Variants in WWC1 observed in about 807,000 individuals in gnomAD.
WWC1 encodes the protein WW and C2 domain containing 1.
A neutral mutation model predicts 138.4 loss-of-function variants in WWC1; 55 were observed. The ratio of observed to expected loss-of-function variants is 0.40; its 90% CI spans 0.32 to 0.50. The LOEUF (loss-of-function observed/expected upper bound fraction) is 0.50, where lower values mean the gene tolerates loss of function less well. WWC1 is among the 20% of genes least tolerant of loss of function. WWC1 has a pLI of 0.72. For missense variants in WWC1, 1,226 were observed against 1,420.4 expected (o/e 0.86, Z 2.20); for synonymous variants, 524 against 564.9 (o/e 0.93, Z 1.03).
rs1392931833 is a variant in WWC1, at chr5:168,356,959, T to C, written c.120-14465T>C. Among the ~76,000 whole-genome samples the C allele has an allele frequency of 2.0e-5, 3 of 152,168 alleles. No individual in the cohort carries two copies. The East Asian group carries it at 5.8e-4, about 29-fold the overall frequency. On this transcript the variant is annotated intron_variant, in intron 1 of 22. Transcript: ENST00000265293. ...AGCCCTGTCAGTTGTGGGAAGTCTCTGAGTGTCATCTGTAAAACAGGGAAA... is the reference window on the plus strand; with the variant it reads ...AGCCCTGTCAGTTGTGGGAAGTCTCCGAGTGTCATCTGTAAAACAGGGAAA...
At chr5:168,458,030 C>T (rs1433140237) in intron 19 of WWC1, among the ~76,000 whole-genome samples, 1 of 152,176 alleles carries the variant, frequency 6.6e-6, no homozygotes, top group East Asian at 1.9e-4. Flanking sequence ...GCAAGGGAGG[C>T]AGTAGAAGCA....
At chr5:168,400,702 AC>A (rs781522316) in intron 5 of WWC1, among the ~76,000 whole-genome samples, 2 of 152,134 alleles carry the variant, frequency 1.3e-5, no homozygotes, top group Admixed American at 6.6e-5. Context: ...TAATCCCAGC[AC>A]TTTGGGAGGC....
At chr5:168,305,759 C>G (rs532837601) in intron 1 of WWC1, among the ~76,000 whole-genome samples, 1 of 152,268 alleles carries the variant, frequency 6.6e-6, no homozygotes, top group South Asian at 2.1e-4. Flanking sequence ...ATATTAGACT[C>G]GTCAGATCAC....
intron 4 of WWC1, among the ~76,000 whole-genome samples, chr5:168,398,286 G>A (rs1018476806): frequency 3.4e-5 from 5 of 148,782 alleles, no homozygotes; most frequent in Non-Finnish European, 6.0e-5. Flanking sequence ...TGTATTTTTA[G>A]TAGAGACGGG....
chr5:168,346,832 G>C (rs1561639591), intron 1 of WWC1, among the ~76,000 whole-genome samples: 1 of 152,086 alleles, frequency 6.6e-6, no homozygotes. Flanking sequence ...AAAACAATTA[G>C]AGGAGGAGCC....
At position 168,469,005 on chromosome 5, in the gene WWC1, A is replaced by G. The variant is rs1757545444; in HGVS notation, c.3330A>G (p.Ala1110=). 1 of 1,614,138 alleles carries G rather than the reference A, an allele frequency of 6.2e-7. No individual in the cohort carries two copies. Among genetic ancestry groups the G allele is most frequent in the African/African-American group, 1.3e-5 (1 of 74,944 alleles). ...RPRMNIPALS[A]DDV is the part of the protein sequence containing the mutation. ...GGATGAATATCCCAGCTCTCTCTGCAGATGACGTCTAATCGCCAGAAAAGT... is the reference window on the plus strand; with the variant it reads ...GGATGAATATCCCAGCTCTCTCTGCGGATGACGTCTAATCGCCAGAAAAGT... Residue 1110 remains alanine, a synonymous_variant, in exon 23 of 23, where the codon GCA becomes GCG. Transcript: ENST00000265293.
intron 1 of WWC1, among the ~76,000 whole-genome samples, chr5:168,344,880 A>G (rs1410003501): frequency 1.3e-5 from 2 of 152,222 alleles, no homozygotes; most frequent in African/African-American, 4.8e-5. Flanking sequence ...TTTATACTGT[A>G]TTTAACAACA....
chr5:168,302,504 CG>C (rs1471417264), intron 1 of WWC1, among the ~76,000 whole-genome samples: 2 of 152,070 alleles, frequency 1.3e-5, no homozygotes, highest in African/African-American at 4.8e-5. Context: ...TGACACCTGT[CG>C]ACAGTGGTGG....
At chr5:168,399,341 C>A in intron 4 of WWC1, 147 bp from the exon 5 acceptor site, 2 of 709,338 alleles carry the variant, frequency 2.8e-6, no homozygotes, top group Non-Finnish European at 4.8e-6. Flanking sequence ...CAGGAGGGGG[C>A]TCTGACCAGT....
chr5:168,380,465 C>G (rs1316390898), intron 2 of WWC1, among the ~76,000 whole-genome samples: 1 of 151,932 alleles, frequency 6.6e-6, no homozygotes, highest in Non-Finnish European at 1.5e-5. Flanking sequence ...AATAAAATTC[C>G]AACGAGGTAT....
chr5:168,356,091 G>T (rs1433083033), intron 1 of WWC1, among the ~76,000 whole-genome samples: 1 of 152,208 alleles, frequency 6.6e-6, no homozygotes, highest in African/African-American at 2.4e-5. Context: ...CTCCCATCTA[G>T]GTAGGACATG....
intron 9 of WWC1, chr5:168,415,436 A>G (rs954830774): frequency 6.6e-6 from 1 of 152,178 alleles, no homozygotes; most frequent in Non-Finnish European, 1.5e-5. Flanking sequence ...TTTAGACCTT[A>G]TTATAGACAT....
intron 20 of WWC1, among the ~76,000 whole-genome samples, chr5:168,464,449 C>T (rs1757074364): frequency 6.6e-6 from 1 of 152,136 alleles, no homozygotes; most frequent in African/African-American, 2.4e-5. Flanking sequence ...CTCTGCATGC[C>T]TCATCTGTGC....
At chr5:168,424,219 G>A (rs2152854029) in intron 11 of WWC1, 151 bp downstream of exon 11, 2 of 1,048,328 alleles carry the variant, frequency 1.9e-6, no homozygotes, top group Non-Finnish European at 2.7e-6. Flanking sequence ...TTCAGTGGAT[G>A]TTTATTAACT....
chr5:168,430,355 C>T, intron 14 of WWC1, 132 bp downstream of exon 14: 1 of 653,008 alleles, frequency 1.5e-6, no homozygotes, highest in Non-Finnish European at 2.6e-6. Context: ...CTGCATATGA[C>T]TGTGATGCTG....
At chr5:168,466,514 G>A (rs1757308083) in intron 21 of WWC1, among the ~76,000 whole-genome samples, 1 of 152,226 alleles carries the variant, frequency 6.6e-6, no homozygotes, top group Non-Finnish European at 1.5e-5. Flanking sequence ...TACAGGTGGT[G>A]ATGCCCTAGG....
intron 1 of WWC1, among the ~76,000 whole-genome samples, chr5:168,344,262 A>C (rs1338259683): frequency 6.6e-6 from 1 of 152,214 alleles, no homozygotes; most frequent in African/African-American, 2.4e-5. Flanking sequence ...CTGGCCTGAA[A>C]AAATGATTCC....
chr5:168,343,713 T>C (rs1275542317), intron 1 of WWC1, among the ~76,000 whole-genome samples: 1 of 151,880 alleles, frequency 6.6e-6, no homozygotes, highest in Admixed American at 6.6e-5. Flanking sequence ...TCGCAGCTAC[T>C]TGGGAGGCTG....
chr5:168,394,504 C>T (rs1963838), intron 3 of WWC1, among the ~76,000 whole-genome samples: 89,121 of 151,944 alleles, frequency 0.59, 26,625 homozygotes, highest in African/African-American at 0.68. Context: ...GGCGGGTGGA[C>T]CACTTGAGGT....
Sources: allele counts gnomAD v4.1 joint callset (sites outside exome capture counted in the v4.1 genomes callset), GRCh38; gene constraint gnomAD v4.1.1; transcripts MANE v1.5; gene names NCBI Gene and HGNC (gene_info 2026-07-23, HGNC 2026-07-21).